The following MYO1H variants were observed in gnomAD, a reference collection of about 807,000 sequenced individuals.
The protein encoded by MYO1H is myosin IH.
Under a neutral mutation model 149.3 loss-of-function variants are expected in MYO1H, and 118 were observed. That is an observed-to-expected ratio of 0.79 (90% confidence interval 0.68 to 0.92). The LOEUF (loss-of-function observed/expected upper bound fraction) is 0.92. MYO1H is among the 40% of genes least tolerant of loss of function. The pLI is 0.00. For missense variants in MYO1H, 1,212 were observed against 1,280.7 expected, an observed-to-expected ratio of 0.95 and a Z score of 0.82; for synonymous variants, 447 against 465.2, an observed-to-expected ratio of 0.96 and a Z score of 0.50.
At chr12:109,411,512 A>G (rs937525137) in intron 13 of MYO1H, among the ~76,000 whole-genome samples, 2 of 152,262 alleles carry the variant, frequency 1.3e-5, no homozygotes, top group Admixed American at 1.3e-4. Context: ...AACTGGTTTT[A>G]TACCTTTCTT....
At chr12:109,399,339 C>T (rs1485278009) in intron 5 of MYO1H, among the ~76,000 whole-genome samples, 1 of 152,122 alleles carries the variant, frequency 6.6e-6, no homozygotes, top group East Asian at 1.9e-4. Flanking sequence ...CACCTGTAAT[C>T]CCAGCACTTT....
intron 24 of MYO1H, 66 bp downstream of exon 24, chr12:109,439,856 C>T (rs2135599586): frequency 6.9e-7 from 1 of 1,439,170 alleles, no homozygotes; most frequent in South Asian, 1.2e-5. Flanking sequence ...TTAACTCTTG[C>T]ATGTCTTTGT....
At position 109,443,512 on chromosome 12, in the gene MYO1H, A is replaced by G. The variant is rs1338857451; in HGVS notation, c.2689-2A>G. The G allele has an allele frequency of 6.2e-7, 1 of 1,613,256 alleles. No homozygotes were observed. Among genetic ancestry groups the G allele is most frequent in the East Asian group, 2.2e-5 (1 of 44,872 alleles). ...CCTGGTGAAGTCACCTTCCCCTTGCAGTATGGTGTCCCGGTCATTAAATAT... is the reference window on the plus strand; with the variant it reads ...CCTGGTGAAGTCACCTTCCCCTTGCGGTATGGTGTCCCGGTCATTAAATAT... On this transcript the variant is annotated splice_acceptor_variant, in intron 27 of 31. Transcript: ENST00000310903. LOFTEE classifies it high-confidence loss of function.
chr12:109,430,591 C>T (rs1318843216), intron 19 of MYO1H, among the ~76,000 whole-genome samples: 1 of 152,148 alleles, frequency 6.6e-6, no homozygotes, highest in African/African-American at 2.4e-5. Context: ...GAACATGGGA[C>T]ACTCGATACC....
chr12:109,391,431 A>G lies in MYO1H; in HGVS notation c.175-1900A>G, dbSNP rs142485702. Among the ~76,000 whole-genome samples the G allele has an allele frequency of 3.7e-3, 558 of 152,298 alleles. 22 individuals carry two copies. In the East Asian group the frequency reaches 0.093, roughly 25 times the overall value. On this transcript the variant is annotated intron_variant, in intron 2 of 31. Transcript: ENST00000310903. ...TGATCTCGTTCCTTTTTATGGCTAC[A>G]TAGTATTCCATAGTGTATATGCACT...
chr12:109,425,944 A>G lies in MYO1H; in HGVS notation c.1726-2A>G, dbSNP rs1219193325. ...TCTCTCTCTTTCTCTCTCTCTCTGC[A>G]GGTGGGGACTCAGTTTAAAAACAGT... On this transcript the variant is annotated splice_acceptor_variant, in intron 17 of 31. Coordinates refer to ENST00000310903, the Ensembl canonical transcript of MYO1H. LOFTEE classifies it high-confidence loss of function. 1.2e-6 allele frequency: 2 copies of G among 1,604,154 alleles called. No homozygotes were observed. Among genetic ancestry groups the G allele is most frequent in the Non-Finnish European group, 8.5e-7 (1 of 1,171,386 alleles).
chr12:109,441,618 C>A, exon 26 of MYO1H: 1 of 1,606,926 alleles, frequency 6.2e-7, no homozygotes, highest in Admixed American at 1.7e-5. Flanking sequence ...TTACCAGATG[C>A]AGCAAAAGGT....
chr12:109,330,581 A>T, the MYO1H span, among the ~76,000 whole-genome samples: 2 of 152,020 alleles, frequency 1.3e-5, no homozygotes, highest in African/African-American at 2.4e-5. Context: ...CCCTACCAAG[A>T]CCCCTGTCCC....
intron 5 of MYO1H, among the ~76,000 whole-genome samples, chr12:109,400,304 G>A (rs765165065): frequency 2.6e-5 from 4 of 152,170 alleles, no homozygotes; most frequent in Non-Finnish European, 4.4e-5. Flanking sequence ...TACCAGCAAA[G>A]CAGTGTTAGG....
At chr12:109,373,199 A>T (rs566358327) in intron 1 of MYO1H, among the ~76,000 whole-genome samples, 3 of 152,156 alleles carry the variant, frequency 2.0e-5, no homozygotes, top group Non-Finnish European at 4.4e-5. Flanking sequence ...TTCTATTTTG[A>T]TTTCCTCCTC....
Position 109,397,819 on chromosome 12 carries a change from T to G in MYO1H, c.570+7T>G. 1 of 1,603,716 alleles carries G rather than the reference T, an allele frequency of 6.2e-7. No individual in the cohort carries two copies. The highest frequency in any genetic ancestry group is 1.1e-5 in the South Asian group (1 of 89,502). On this transcript the variant is annotated splice_region_variant and intron_variant, in intron 5 of 31. Coordinates refer to ENST00000310903, the Ensembl canonical transcript of MYO1H. ...TATACAATTTGATTTTCAGGTACAC[T>G]GAAGCTCCTATTACTGGTTCATGGG...
chr12:109,434,771 C>A (rs182613018), intron 20 of MYO1H, among the ~76,000 whole-genome samples: 2 of 152,264 alleles, frequency 1.3e-5, no homozygotes, highest in African/African-American at 4.8e-5. Flanking sequence ...TAGCCGTGTC[C>A]CTCCAATCTC....
the MYO1H span, among the ~76,000 whole-genome samples, chr12:109,312,790 G>GTT: frequency 6.9e-6 from 1 of 145,532 alleles, no homozygotes; most frequent in Non-Finnish European, 1.5e-5. Flanking sequence ...GTTTTGTTTT[G>GTT]TTTTTTTTTT....
At position 109,443,103 on chromosome 12, in the gene MYO1H, C is replaced by CGTATGTGTGTATATATGTAT; in HGVS notation, c.2689-407_2689-406insGTGTGTATATATGTATGTAT. ...GTACGTATGTGTGTATATATGTGTA[C>CGTATGTGTGTATATATGTAT]GTATATGTGTGTATATGTGTACGTA... On this transcript the variant is annotated intron_variant, in intron 27 of 31. Coordinates refer to ENST00000310903, the Ensembl canonical transcript of MYO1H. Among the ~76,000 whole-genome samples the CGTATGTGTGTATATATGTAT allele has an allele frequency of 3.1e-5, 2 of 64,388 alleles. 1 individual carries two copies. The highest frequency in any genetic ancestry group is 7.0e-5 in the Non-Finnish European group (2 of 28,526). The allele number at this position is 64,388 out of a possible 152,430, so 42.2% of individuals were successfully genotyped here.
exon 24 of MYO1H, chr12:109,439,757 G>C: frequency 1.2e-6 from 2 of 1,613,996 alleles, no homozygotes; most frequent in Non-Finnish European, 1.7e-6. Flanking sequence ...TCCTGGACAA[G>C]AGCTGGCTGA....
At chr12:109,429,829 C>T (rs1288961807) in intron 19 of MYO1H, among the ~76,000 whole-genome samples, 2 of 152,264 alleles carry the variant, frequency 1.3e-5, no homozygotes, top group Admixed American at 6.5e-5. Context: ...GCTGCTGTAA[C>T]GAAACACTAC....
intron 1 of MYO1H, among the ~76,000 whole-genome samples, chr12:109,349,483 T>G (rs1170755600): frequency 7.9e-6 from 1 of 127,108 alleles, no homozygotes; most frequent in South Asian, 2.4e-4. Context: ...AGCAACATAG[T>G]GTGACCCCCC....
At chr12:109,317,221 A>G in the MYO1H span, among the ~76,000 whole-genome samples, 1 of 152,240 alleles carries the variant, frequency 6.6e-6, no homozygotes. Flanking sequence ...TGAAAATGGC[A>G]CACTTATACG....
the MYO1H span, among the ~76,000 whole-genome samples, chr12:109,328,840 A>T: frequency 1.3e-5 from 2 of 152,144 alleles, no homozygotes; most frequent in African/African-American, 4.8e-5. Context: ...TGATGTTTTG[A>T]TATACAAATA....
Sources: gnomAD v4.1 joint callset for allele counts (sites outside exome capture counted in the v4.1 genomes callset) on GRCh38, gnomAD v4.1.1 for gene constraint, MANE v1.5 for transcripts, NCBI Gene and HGNC (gene_info 2026-07-23, HGNC 2026-07-21) for gene names.